ELP1: variants seen among roughly 807,000 people sequenced by gnomAD.
The protein encoded by ELP1 is elongator complex protein 1.
A neutral mutation model predicts 183.2 loss-of-function variants in ELP1; 131 were observed. The observed-to-expected ratio is 0.72, with a 90% confidence interval of 0.62 to 0.83. ELP1 has a LOEUF of 0.83. Ranked by LOEUF, ELP1 falls within the 40% of genes least tolerant of loss-of-function variation. The pLI, the probability that ELP1 is intolerant of heterozygous loss-of-function variation, is 0.00. For synonymous variants in ELP1, 555 were observed against 569.0 expected, an observed-to-expected ratio of 0.98 and a Z score of 0.35; for missense variants, 1,550 against 1,594.9, an observed-to-expected ratio of 0.97 and a Z score of 0.48.
At chr9:108,898,458 G>C in intron 22 of ELP1, 44 bp downstream of exon 22, 2 of 1,224,502 alleles carry the variant, frequency 1.6e-6, no homozygotes, top group Non-Finnish European at 2.4e-6. Flanking sequence ...CAAGAAGAGA[G>C]AAAACTATGG....
intron 35 of ELP1, chr9:108,875,803 C>T (rs999682759): frequency 8.6e-6 from 3 of 348,988 alleles, no homozygotes; most frequent in African/African-American, 4.3e-5. Flanking sequence ...ACTCAGGAGA[C>T]TGCGGTGGGA....
chr9:108,929,910 T>C lies in ELP1; in HGVS notation c.162A>G (p.Glu54=). Residue 54 remains glutamate, a synonymous_variant, in exon 3 of 37, where the codon GAA becomes GAG. Coordinates refer to ENST00000374647, the MANE Select transcript of ELP1 (RefSeq NM_003640.5). ...VDPVSREVKN[E]VSLVAEGFLP... Reference sequence around the variant, plus strand: ...GAAAGCCTTCTGCCACCAAAGAAACTTCATTTTTCACCTTTCACCAAAGTA... The same window carrying C: ...GAAAGCCTTCTGCCACCAAAGAAACCTCATTTTTCACCTTTCACCAAAGTA... The C allele has an allele frequency of 6.2e-7, 1 of 1,613,664 alleles. No homozygotes were observed. The highest frequency in any genetic ancestry group is 8.5e-7 in the Non-Finnish European group (1 of 1,180,020).
At chr9:108,922,348 A>G (rs908668361) in intron 6 of ELP1, among the ~76,000 whole-genome samples, 10 of 152,236 alleles carry the variant, frequency 6.6e-5, no homozygotes, top group African/African-American at 2.4e-4. Context: ...TTAGAAGATT[A>G]AAAAGTCCTG....
chr9:108,886,792 G>A (rs1283993410), intron 29 of ELP1, among the ~76,000 whole-genome samples: 3 of 151,824 alleles, frequency 2.0e-5, no homozygotes. Context: ...TACACAAGAT[G>A]TAAACTAATG....
intron 16 of ELP1, among the ~76,000 whole-genome samples, 189 bp from the exon 17 acceptor site, chr9:108,901,870 G>A (rs1335078797): frequency 6.6e-6 from 1 of 152,040 alleles, no homozygotes; most frequent in Non-Finnish European, 1.5e-5. Flanking sequence ...ATCCATCAGT[G>A]AGCCCTGACA....
chr9:108,900,068 T>A (rs1828711013), intron 19 of ELP1, among the ~76,000 whole-genome samples, 173 bp from the exon 20 acceptor site: 1 of 152,266 alleles, frequency 6.6e-6, no homozygotes, highest in African/African-American at 2.4e-5. Flanking sequence ...AAGAAAAGTT[T>A]CGCTTTGAGC....
In ELP1 at chr9:108,912,454, C is replaced by T. The variant is rs1172289425; in HGVS notation, c.999G>A (p.Lys333=). The T allele has an allele frequency of 6.2e-7, 1 of 1,614,054 alleles. No individual in the cohort carries two copies. Among genetic ancestry groups the T allele is most frequent in the Non-Finnish European group, 8.5e-7 (1 of 1,179,988 alleles). The change falls in exon 11 of 37, where the codon AAG becomes AAA. Residue 333 remains lysine (K), a synonymous_variant. Coordinates refer to ENST00000374647, the MANE Select transcript of ELP1 (RefSeq NM_003640.5). ...CACAGGTGCTGAAGGATAAACTTTG[C>T]TTGAGATACCAGTGATAGTTTCCAA... The part of the protein sequence containing the change: ...WTVGNYHWYL[K]QSLSFSTCGK...
intron 35 of ELP1, among the ~76,000 whole-genome samples, chr9:108,877,544 C>T (rs1827747983): frequency 6.6e-6 from 1 of 152,170 alleles, no homozygotes; most frequent in Non-Finnish European, 1.5e-5. Flanking sequence ...ACACAACCCG[C>T]AAAGTCCATC....
Position 108,867,714 on chromosome 9 carries a change from T to C in ELP1, c.*1401A>G, listed in dbSNP as rs1421844640. ...AACCCATGTAAGTCAAAAAGTAGAT[T>C]TCTCCAAAGCAAAGTATATCTTCTT... is the stretch of plus-strand genomic sequence containing the variant. On this transcript the variant is annotated 3_prime_UTR_variant, in exon 37 of 37. Transcript: ENST00000374647. 6.6e-6 allele frequency: 1 copy of C among 152,232 alleles called. No homozygotes were observed. The highest frequency in any genetic ancestry group is 1.5e-5 in the Non-Finnish European group (1 of 68,044). 9.4% of individuals were successfully genotyped at this position (152,232 alleles called of 1,614,324 possible).
intron 6 of ELP1, among the ~76,000 whole-genome samples, chr9:108,920,773 C>A (rs1829616894): frequency 6.6e-6 from 1 of 152,076 alleles, no homozygotes; most frequent in Non-Finnish European, 1.5e-5. Flanking sequence ...CAAGACGAGG[C>A]CCTAGAAAGC....
rs769746039 is a variant in ELP1, at chr9:108,918,884, C to A, written c.667G>T (p.Val223Leu). The A allele has an allele frequency of 1.2e-6, 2 of 1,614,146 alleles. No homozygotes were observed. The highest frequency in any genetic ancestry group is 1.7e-6 in the Non-Finnish European group (2 of 1,179,960). Residue 223 changes from valine to leucine, a missense_variant, in exon 8 of 37, where the codon GTG becomes TTG. Val to Leu is a conservative substitution (Grantham distance 32). Coordinates refer to ENST00000374647, the MANE Select transcript of ELP1 (RefSeq NM_003640.5). ...CPETGARKVR[V>L]WNREFALQST... Reference sequence around the variant, plus strand: ...TGCAAAGCAAACTCTCGGTTCCACACTCTGACCTTCCGAGCCCCTGTGCGG... The same window carrying A: ...TGCAAAGCAAACTCTCGGTTCCACAATCTGACCTTCCGAGCCCCTGTGCGG...
intron 36 of ELP1, among the ~76,000 whole-genome samples, chr9:108,873,603 C>T (rs1217478114): frequency 6.6e-6 from 1 of 152,152 alleles, no homozygotes; most frequent in African/African-American, 2.4e-5. Flanking sequence ...CTGACCTAAC[C>T]TGAAGGTCAG....
chr9:108,881,995 A>T, intron 30 of ELP1, 130 bp downstream of exon 30: 1 of 775,722 alleles, frequency 1.3e-6, no homozygotes, highest in Non-Finnish European at 2.2e-6. Flanking sequence ...CTTTTCCTTA[A>T]GCCAGGAACC....
intron 25 of ELP1, 96 bp downstream of exon 25, chr9:108,896,400 G>T: frequency 8.9e-7 from 1 of 1,121,188 alleles, no homozygotes. Flanking sequence ...CTCACAGAGT[G>T]ATAGCAGAAA....
chr9:108,920,358 C>A lies in ELP1; in HGVS notation c.553-1009G>T, dbSNP rs141666387. 2.6e-3 allele frequency among the ~76,000 whole-genome samples: 389 copies of A among 151,426 alleles called. 2 individuals carry two copies. Among genetic ancestry groups the A allele is most frequent in the African/African-American group, 8.9e-3 (367 of 41,276 alleles). On this transcript the variant is annotated intron_variant, in intron 6 of 36. Transcript: ENST00000374647. ...GTGCAGTGGCACAATCTTGGCTCAC[C>A]GCAACCTCTGCCTCCCAGGTACAAG... is the stretch of plus-strand genomic sequence containing the variant.
rs746477382 is a variant in ELP1 at position 108,906,468 on chromosome 9, T to C, written c.1478A>G (p.Asn493Ser). 6.2e-7 allele frequency: 1 copy of C among 1,613,732 alleles called. No homozygotes were observed. ...CAGCGGGTTTACATCTTGATCTTCA[T>C]TATTCTCAAACTGGATTCTATTGTA... ...EKRYKIQFEN[N>S]EDQDVNPLKL... Residue 493 changes from asparagine (N) to serine (S), a missense_variant, in exon 14 of 37, where the codon AAT becomes AGT. Coordinates refer to ENST00000374647, the MANE Select transcript of ELP1 (RefSeq NM_003640.5).
chr9:108,869,882 T>C (rs1435550535), intron 36 of ELP1, among the ~76,000 whole-genome samples: 5 of 152,262 alleles, frequency 3.3e-5, no homozygotes, highest in Non-Finnish European at 7.3e-5. Context: ...AATCTGTACA[T>C]ATGAGCCATG....
chr9:108,919,896 T>C (rs1434914432), intron 6 of ELP1, among the ~76,000 whole-genome samples: 1 of 152,130 alleles, frequency 6.6e-6, no homozygotes, highest in Non-Finnish European at 1.5e-5. Context: ...ATCTCAATCC[T>C]GAAGCCAACT....
chr9:108,878,575 T>C, intron 34 of ELP1, 48 bp downstream of exon 34: 1 of 1,612,994 alleles, frequency 6.2e-7, no homozygotes, highest in Non-Finnish European at 8.5e-7. Context: ...GTACTGCCTA[T>C]TCACTATTGT....
Sources: allele counts gnomAD v4.1 joint callset (sites outside exome capture counted in the v4.1 genomes callset), GRCh38; gene constraint gnomAD v4.1.1; transcripts MANE v1.5; gene names NCBI Gene and HGNC (gene_info 2026-07-23, HGNC 2026-07-21).